The following FAM171A1 variants were observed in gnomAD, a reference collection of about 807,000 sequenced individuals.
FAM171A1 encodes family with sequence similarity 171 member A1, also known as protein FAM171A1.
Under a neutral mutation model 74.9 loss-of-function variants are expected in FAM171A1, and 23 were observed. The ratio of observed to expected loss-of-function variants is 0.31; its 90% CI spans 0.22 to 0.44. FAM171A1 has a LOEUF of 0.44. Among genes scored for constraint, FAM171A1 ranks in the 20% least tolerant of loss-of-function variants. FAM171A1 has a pLI of 1.00. For synonymous variants in FAM171A1, 527 were observed against 505.7 expected, an observed-to-expected ratio of 1.04 and a Z score of -0.57; for missense variants, 1,162 against 1,159.2, an observed-to-expected ratio of 1.00 and a Z score of -0.03.
intron 3 of FAM171A1, among the ~76,000 whole-genome samples, chr10:15,275,184 T>G (rs907361548): frequency 1.4e-4 from 21 of 152,130 alleles, no homozygotes; most frequent in African/African-American, 5.1e-4. Flanking sequence ...TACACCAACA[T>G]GGCACATGTA....
At chr10:15,312,673 GTTTTTTTTTTTTTTTTTTTTT>G (rs1169098742) in intron 1 of FAM171A1, among the ~76,000 whole-genome samples, 16 of 36,402 alleles carry the variant, frequency 4.4e-4, no homozygotes, top group East Asian at 2.1e-3. Context: ...AGCACTGTGT[GTTTTTTTTTTTTTTTTTTTTT>G]TTTTTTTTTT....
chr10:15,224,707 C>T (rs1277290703), intron 5 of FAM171A1, among the ~76,000 whole-genome samples: 1 of 152,126 alleles, frequency 6.6e-6, no homozygotes, highest in Non-Finnish European at 1.5e-5. Context: ...GTAAGATGTG[C>T]CTTTTGCCTT....
At chr10:15,339,202 A>G (rs1054887681) in intron 1 of FAM171A1, among the ~76,000 whole-genome samples, 1 of 152,232 alleles carries the variant, frequency 6.6e-6, no homozygotes, top group Non-Finnish European at 1.5e-5. Flanking sequence ...AACACTGAGA[A>G]TTCCTATGTA....
chr10:15,226,268 C>T (rs1408479217), intron 5 of FAM171A1, among the ~76,000 whole-genome samples: 2 of 152,212 alleles, frequency 1.3e-5, no homozygotes, highest in Admixed American at 6.5e-5. Flanking sequence ...CCTCTCTGTT[C>T]CAATCAACGC....
At chr10:15,286,769 T>C (rs1462334617) in intron 1 of FAM171A1, among the ~76,000 whole-genome samples, 1 of 152,218 alleles carries the variant, frequency 6.6e-6, no homozygotes, top group African/African-American at 2.4e-5. Flanking sequence ...TTTTTCCACA[T>C]GCTGATTTAA....
At chr10:15,296,389 A>G (rs565809249) in intron 1 of FAM171A1, among the ~76,000 whole-genome samples, 5 of 152,216 alleles carry the variant, frequency 3.3e-5, no homozygotes, top group Admixed American at 6.5e-5. Context: ...ATTAATCTAT[A>G]TAGAATACAT....
At chr10:15,289,765 T>A (rs1454465136) in intron 1 of FAM171A1, among the ~76,000 whole-genome samples, 2 of 152,242 alleles carry the variant, frequency 1.3e-5, no homozygotes, top group Admixed American at 6.5e-5. Flanking sequence ...TGCTTTTGTA[T>A]ACAGTCCATG....
chr10:15,287,858 C>A (rs556413364), intron 1 of FAM171A1, among the ~76,000 whole-genome samples: 1 of 152,244 alleles, frequency 6.6e-6, no homozygotes, highest in African/African-American at 2.4e-5. Context: ...TTCTGGTGCG[C>A]CCATCACCCA....
At chr10:15,345,445 C>T (rs1324052778) in intron 1 of FAM171A1, among the ~76,000 whole-genome samples, 5 of 152,182 alleles carry the variant, frequency 3.3e-5, no homozygotes, top group Non-Finnish European at 7.4e-5. Flanking sequence ...AAGGGGACAA[C>T]ACCTGATGCT....
At chr10:15,215,923 T>C (rs1274409741) in intron 7 of FAM171A1, 73 bp downstream of exon 7, 6 of 927,798 alleles carry the variant, frequency 6.5e-6, no homozygotes, top group Non-Finnish European at 9.6e-6. Flanking sequence ...ACCTCCATAT[T>C]AATGCTTCTA....
intron 4 of FAM171A1, among the ~76,000 whole-genome samples, chr10:15,253,551 C>A (rs2131766190): frequency 6.6e-6 from 1 of 152,236 alleles, no homozygotes; most frequent in South Asian, 2.1e-4. Flanking sequence ...ACCATGTTGC[C>A]TTTATGTATA....
rs1464448174 is a variant in FAM171A1, at chr10:15,213,675, A to G, written c.1913T>C (p.Leu638Pro). The change falls in exon 8 of 8, where the codon CTG (leucine) becomes CCG (proline). Residue 638 changes from leucine (L) to proline (P), a missense_variant. Physicochemically the swap from Leu to Pro is moderately conservative, Grantham distance 98. Transcript: ENST00000378116. This position sits in a 1 kb window ranked among gnomAD's most constrained non-coding sequence, Gnocchi z 6.8. ...CTGCTGAGAGATGGCCTGGGAAGAC[A>G]GGGGCTGGGGCTGGATCTGTGAGGA... ...HPSSQIQPQP[L>P]SSQAISQQHL... 2.5e-6 allele frequency: 4 copies of G among 1,613,282 alleles called. No homozygotes were observed. The highest frequency in any genetic ancestry group is 8.5e-7 in the Non-Finnish European group (1 of 1,179,622).
chr10:15,267,466 A>G (rs1434056069), intron 3 of FAM171A1, among the ~76,000 whole-genome samples: 1 of 152,004 alleles, frequency 6.6e-6, no homozygotes, highest in Non-Finnish European at 1.5e-5. Flanking sequence ...AGCTGGGTGC[A>G]GTGGCACGTG....
At chr10:15,270,093 G>C (rs1410162625) in intron 3 of FAM171A1, among the ~76,000 whole-genome samples, 2 of 152,186 alleles carry the variant, frequency 1.3e-5, no homozygotes, top group Non-Finnish European at 2.9e-5. Context: ...GCCTCACCTA[G>C]GAAGCGCAAC....
chr10:15,253,635 T>G (rs1289499945), intron 4 of FAM171A1, among the ~76,000 whole-genome samples: 2 of 152,182 alleles, frequency 1.3e-5, no homozygotes, highest in Non-Finnish European at 2.9e-5. Context: ...AATAATCAGT[T>G]TATGTAAAGC....
chr10:15,227,453 G>A (rs1377844421), intron 5 of FAM171A1, among the ~76,000 whole-genome samples: 1 of 152,168 alleles, frequency 6.6e-6, no homozygotes, highest in Non-Finnish European at 1.5e-5. Flanking sequence ...TGCAATCATG[G>A]CTCACTGTAG....
At chr10:15,249,618 T>G (rs763757744) in intron 4 of FAM171A1, among the ~76,000 whole-genome samples, 14 of 152,202 alleles carry the variant, frequency 9.2e-5, no homozygotes, top group Admixed American at 1.3e-4. Context: ...GCAAATTTCT[T>G]CAAGGATTGC....
chr10:15,288,411 G>A (rs1487839165), intron 1 of FAM171A1, among the ~76,000 whole-genome samples: 1 of 152,104 alleles, frequency 6.6e-6, no homozygotes, highest in African/African-American at 2.4e-5. Context: ...CATCACCCGA[G>A]CAGTATACAC....
intron 1 of FAM171A1, among the ~76,000 whole-genome samples, chr10:15,367,928 A>G (rs1342333314): frequency 3.9e-5 from 6 of 152,192 alleles, no homozygotes; most frequent in Non-Finnish European, 8.8e-5. Flanking sequence ...ACACATCCCT[A>G]AAGAGTACAT....
Sources: allele counts gnomAD v4.1 joint callset (sites outside exome capture counted in the v4.1 genomes callset), GRCh38; gene constraint gnomAD v4.1.1; non-coding constraint Gnocchi (gnomAD v3.1); transcripts MANE v1.5; gene names NCBI Gene and HGNC (gene_info 2026-07-23, HGNC 2026-07-21).